CUX1: variants seen among roughly 807,000 people sequenced by gnomAD.
CUX1 encodes protein CASP.
In CUX1, 31 loss-of-function variants were observed where a neutral mutation model predicts 158.8. The observed-to-expected ratio is 0.20, with a 90% CI of 0.15 to 0.26. CUX1 has a LOEUF of 0.26. Among genes scored for constraint, CUX1 ranks in the 10% least tolerant of loss-of-function variants. CUX1 has a pLI of 1.00. For missense variants in CUX1, 1,589 were observed against 2,014.6 expected, an observed-to-expected ratio of 0.79 and a Z score of 4.04; for synonymous variants, 879 against 862.1, an observed-to-expected ratio of 1.02 and a Z score of -0.34.
intron 1 of CUX1, among the ~76,000 whole-genome samples, chr7:101,914,685 G>A (rs900091892): frequency 2.0e-5 from 3 of 151,958 alleles, no homozygotes; most frequent in African/African-American, 7.2e-5. Flanking sequence ...TTTTAGTACA[G>A]ACAGGGTTTC....
rs1010463257 is a variant in CUX1 at position 101,953,076 on chromosome 7, G to A, written c.141+36851G>A. On this transcript the variant is annotated intron_variant, in intron 2 of 23. Transcript: ENST00000292535. Reference sequence around the variant, plus strand: ...CGCCCTGCCCGCTCCTCACGTGTGAGGGGAACTGGGGAAGTCGAGTCAGCC... The same window carrying A: ...CGCCCTGCCCGCTCCTCACGTGTGAAGGGAACTGGGGAAGTCGAGTCAGCC... 2.0e-5 allele frequency among the ~76,000 whole-genome samples: 3 copies of A among 152,208 alleles called. No individual in the cohort carries two copies. In the East Asian group the frequency reaches 5.8e-4, roughly 29 times the overall value.
intron 4 of CUX1, among the ~76,000 whole-genome samples, chr7:102,084,632 C>T (rs1827773258): frequency 6.9e-6 from 1 of 144,318 alleles, no homozygotes; most frequent in African/African-American, 2.5e-5. Context: ...AGCATCTTGG[C>T]CAGGCTGGTC....
chr7:101,956,106 C>T (rs904101146), intron 2 of CUX1, among the ~76,000 whole-genome samples: 5 of 112,654 alleles, frequency 4.4e-5, no homozygotes, highest in African/African-American at 1.7e-4. Context: ...GGCGTGAACC[C>T]GGGAGGTGGA....
At chr7:101,925,344 C>G (rs1805462478) in intron 2 of CUX1, among the ~76,000 whole-genome samples, 1 of 152,184 alleles carries the variant, frequency 6.6e-6, no homozygotes, top group African/African-American at 2.4e-5. Flanking sequence ...CTCCTGGCCT[C>G]AAATGATCCA....
At chr7:102,152,295 G>A (rs868940479) in intron 8 of CUX1, among the ~76,000 whole-genome samples, 107 of 152,258 alleles carry the variant, frequency 7.0e-4, no homozygotes, top group African/African-American at 2.4e-3. Flanking sequence ...GTTGGAGGCT[G>A]CAGTGAGCTA....
At chr7:102,188,566 G>C (rs1381668842) in intron 11 of CUX1, 1 of 152,102 alleles carries the variant, frequency 6.6e-6, no homozygotes, top group Admixed American at 6.6e-5. Context: ...CAGCACTTTG[G>C]GAAGCTGAGG....
chr7:102,189,973 C>G, intron 12 of CUX1, 102 bp downstream of exon 12: 1 of 1,263,148 alleles, frequency 7.9e-7, no homozygotes, highest in Non-Finnish European at 1.1e-6. Flanking sequence ...CCCCTGCCCT[C>G]TGGCTCAGCA....
intron 5 of CUX1, among the ~76,000 whole-genome samples, chr7:102,097,775 A>G (rs1554484830): frequency 6.6e-6 from 1 of 152,218 alleles, no homozygotes; most frequent in Non-Finnish European, 1.5e-5. Context: ...TTCCCGTATC[A>G]TTACGTGATT....
chr7:101,828,516 A>AT (rs939108040), intron 1 of CUX1, among the ~76,000 whole-genome samples: 1 of 152,186 alleles, frequency 6.6e-6, no homozygotes, highest in African/African-American at 2.4e-5. Flanking sequence ...GGGAAAGTGC[A>AT]TGTTGTAGTT....
intron 14 of CUX1, among the ~76,000 whole-genome samples, chr7:102,266,981 A>G (rs1288287213): frequency 6.6e-6 from 1 of 152,162 alleles, no homozygotes; most frequent in Admixed American, 6.5e-5. Flanking sequence ...GCATGCATGT[A>G]GAAGGCAAGA....
intron 17 of CUX1, among the ~76,000 whole-genome samples, chr7:102,275,744 C>A (rs1437505189): frequency 2.0e-5 from 3 of 152,168 alleles, no homozygotes; most frequent in African/African-American, 7.2e-5. Flanking sequence ...TGCGGTGGCT[C>A]ACACCTGTAA....
At chr7:102,212,435 T>C (rs1171724451) in intron 20 of CUX1, among the ~76,000 whole-genome samples, 5 of 152,250 alleles carry the variant, frequency 3.3e-5, no homozygotes, top group African/African-American at 1.2e-4. Flanking sequence ...CCCCAAAGTC[T>C]CTGTTCCTAG....
At chr7:101,861,016 C>G (rs1295853590) in intron 1 of CUX1, among the ~76,000 whole-genome samples, 1 of 152,132 alleles carries the variant, frequency 6.6e-6, no homozygotes, top group Non-Finnish European at 1.5e-5. Flanking sequence ...GAACTGGCCT[C>G]AAGCGATCCT....
intron 2 of CUX1, among the ~76,000 whole-genome samples, chr7:101,918,649 GC>G (rs1387537319): frequency 6.6e-6 from 1 of 152,260 alleles, no homozygotes; most frequent in Non-Finnish European, 1.5e-5. Flanking sequence ...TGCCCCGCCA[GC>G]CCTATGCACT....
intron 2 of CUX1, among the ~76,000 whole-genome samples, chr7:101,923,030 C>T (rs1409648893): frequency 1.3e-5 from 2 of 152,238 alleles, no homozygotes; most frequent in East Asian, 1.9e-4. Context: ...GGTCAAACTC[C>T]GATTTCCCGC....
chr7:101,982,194 C>G (rs1444082155), intron 2 of CUX1, among the ~76,000 whole-genome samples: 1 of 152,202 alleles, frequency 6.6e-6, no homozygotes, highest in African/African-American at 2.4e-5. Flanking sequence ...CCCCTGAGAG[C>G]TTTCTCTTCC....
chr7:101,896,201 A>G (rs192743443), intron 1 of CUX1, among the ~76,000 whole-genome samples: 1 of 152,174 alleles, frequency 6.6e-6, no homozygotes, highest in Admixed American at 6.5e-5. Context: ...GCTCACCCAT[A>G]AAATTAAAAT....
chr7:102,020,862 A>G (rs942881978), intron 2 of CUX1, among the ~76,000 whole-genome samples: 4 of 151,830 alleles, frequency 2.6e-5, no homozygotes, highest in African/African-American at 7.3e-5. Flanking sequence ...CCTGGGTGAC[A>G]AGAGCAAAAC....
chr7:102,074,285 C>T (rs1826457313), intron 4 of CUX1, among the ~76,000 whole-genome samples: 3 of 152,190 alleles, frequency 2.0e-5, no homozygotes, highest in Non-Finnish European at 4.4e-5. Context: ...AGGGAGGAAG[C>T]CCTTGGGAAT....
Sources: allele counts gnomAD v4.1 joint callset (sites outside exome capture counted in the v4.1 genomes callset), GRCh38; gene constraint gnomAD v4.1.1; transcripts MANE v1.5; gene names NCBI Gene and HGNC (gene_info 2026-07-23, HGNC 2026-07-21).